FRAS1: variants seen among roughly 807,000 people sequenced by gnomAD.
FRAS1 encodes Fraser extracellular matrix complex subunit 1.
Under a neutral mutation model 435.2 loss-of-function variants are expected in FRAS1, and 290 were observed. The observed-to-expected ratio is 0.67, with a 90% CI of 0.61 to 0.73. The LOEUF (loss-of-function observed/expected upper bound fraction) is 0.73. Ranked by LOEUF, FRAS1 falls within the 30% of genes least tolerant of loss-of-function variation. The probability of loss-of-function intolerance (pLI) is 0.00; values close to 1 mark genes in which losing one functional copy is unlikely to be tolerated. For synonymous variants in FRAS1, 1,800 were observed against 1,851.0 expected, an observed-to-expected ratio of 0.97 and a Z score of 0.71; for missense variants, 4,860 against 5,001.5, an observed-to-expected ratio of 0.97 and a Z score of 0.85.
At chr4:78,227,015 C>T (rs559867062) in intron 2 of FRAS1, among the ~76,000 whole-genome samples, 99 of 152,052 alleles carry the variant, frequency 6.5e-4, no homozygotes, top group Non-Finnish European at 9.3e-4. Flanking sequence ...CATTTAATTG[C>T]GTTTGTAGAT....
chr4:78,354,192 C>T (rs546536678), intron 20 of FRAS1, among the ~76,000 whole-genome samples: 2 of 152,288 alleles, frequency 1.3e-5, no homozygotes, highest in East Asian at 3.9e-4. Flanking sequence ...TCCTCGGCTC[C>T]TACGGCAGCC....
chr4:78,523,066 A>G (rs1368695345), intron 69 of FRAS1, among the ~76,000 whole-genome samples: 1 of 152,156 alleles, frequency 6.6e-6, no homozygotes, highest in African/African-American at 2.4e-5. Context: ...AGCCTGGGCA[A>G]CAGAAAGAGA....
At chr4:78,286,598 C>G (rs1396306463) in intron 14 of FRAS1, 59 bp downstream of exon 14, 1 of 1,571,336 alleles carries the variant, frequency 6.4e-7, no homozygotes, top group Non-Finnish European at 8.7e-7. Flanking sequence ...CAACCCTGAC[C>G]CCACCAAGTG....
At chr4:78,206,202 C>T (rs766099381) in intron 2 of FRAS1, among the ~76,000 whole-genome samples, 1 of 151,816 alleles carries the variant, frequency 6.6e-6, no homozygotes, top group Non-Finnish European at 1.5e-5. Flanking sequence ...TCATTAGGGT[C>T]CTTTTGGGAG....
intron 31 of FRAS1, among the ~76,000 whole-genome samples, chr4:78,411,795 C>T (rs1489714029): frequency 6.6e-6 from 1 of 152,156 alleles, no homozygotes; most frequent in East Asian, 1.9e-4. Flanking sequence ...CCCTCCGCCA[C>T]CCCTTTTCTA....
Position 78,534,548 on chromosome 4 carries a change from C to T in FRAS1, c.11025C>T (p.Phe3675=), listed in dbSNP as rs780760606. 3 of 1,613,244 alleles carry T rather than the reference C, an allele frequency of 1.9e-6. No individual in the cohort carries two copies. Among genetic ancestry groups the T allele is most frequent in the Non-Finnish European group, 2.5e-6 (3 of 1,179,284 alleles). The stretch of plus-strand genomic sequence containing the variant: ...AGCTCTGCAATAATGAGAAGGTGTT[C>T]CTAATGGATCCCAATACATCTGATA... ...EFQLCNNEKV[F]LMDPNTSDMS... is the part of the protein sequence containing the mutation. The change falls in exon 71 of 74, where the codon TTC becomes TTT. Residue 3675 remains phenylalanine (F), a synonymous_variant. Coordinates refer to ENST00000512123, the MANE Select transcript of FRAS1 (RefSeq NM_025074.7).
chr4:78,540,186 T>C (rs1297958949), intron 73 of FRAS1, among the ~76,000 whole-genome samples: 1 of 152,210 alleles, frequency 6.6e-6, no homozygotes, highest in Non-Finnish European at 1.5e-5. Flanking sequence ...TGTAAATAAA[T>C]GTGGTTTTTA....
chr4:78,182,703 C>T (rs1050192522), intron 2 of FRAS1, among the ~76,000 whole-genome samples: 3 of 151,794 alleles, frequency 2.0e-5, no homozygotes, highest in Non-Finnish European at 4.4e-5. Flanking sequence ...CGTGGTGAAA[C>T]CCCGTCTCTA....
chr4:78,181,176 A>T, intron 2 of FRAS1: 1 of 1,602,078 alleles, frequency 6.2e-7, no homozygotes, highest in Non-Finnish European at 8.6e-7. Context: ...CAGATATTAA[A>T]TTCTACTTTT....
chr4:78,339,521 C>CGG (rs571737419), intron 20 of FRAS1, among the ~76,000 whole-genome samples: 238 of 152,072 alleles, frequency 1.6e-3, no homozygotes, highest in African/African-American at 5.5e-3. Context: ...AGGCATTATG[C>CGG]GGGGGGGTGG....
At chr4:78,208,026 G>A (rs1357783924) in intron 2 of FRAS1, among the ~76,000 whole-genome samples, 1 of 152,172 alleles carries the variant, frequency 6.6e-6, no homozygotes, top group African/African-American at 2.4e-5. Flanking sequence ...ACCCTCTGAA[G>A]GAAGTGGATA....
intron 30 of FRAS1, among the ~76,000 whole-genome samples, chr4:78,405,319 T>C (rs987952787): frequency 1.3e-4 from 20 of 152,358 alleles, no homozygotes; most frequent in African/African-American, 4.3e-4. Flanking sequence ...TGTACTCACA[T>C]TCATAAATAG....
At chr4:78,321,085 G>T (rs1729486349) in intron 18 of FRAS1, among the ~76,000 whole-genome samples, 1 of 152,178 alleles carries the variant, frequency 6.6e-6, no homozygotes. Flanking sequence ...AGTTAGAATT[G>T]TAAATAAATA....
chr4:78,210,029 C>T (rs192828440), intron 2 of FRAS1, among the ~76,000 whole-genome samples: 71 of 152,264 alleles, frequency 4.7e-4, no homozygotes, highest in Middle Eastern at 3.4e-3. Flanking sequence ...CTCTGCTGAG[C>T]TCCTTACCTG....
intron 66 of FRAS1, among the ~76,000 whole-genome samples, chr4:78,518,333 A>G (rs1281287894): frequency 6.6e-6 from 1 of 151,002 alleles, no homozygotes; most frequent in Non-Finnish European, 1.5e-5. Context: ...CTGTATTTTC[A>G]AACAAAAGAA....
At chr4:78,062,524 C>T (rs1739804508) in intron 1 of FRAS1, among the ~76,000 whole-genome samples, 2 of 152,096 alleles carry the variant, frequency 1.3e-5, no homozygotes, top group Admixed American at 1.3e-4. Flanking sequence ...GCCACTATTT[C>T]TTTGAACTAA....
At chr4:78,539,157 G>C (rs982873664) in intron 72 of FRAS1, 137 bp from the exon 73 acceptor site, 1 of 724,262 alleles carries the variant, frequency 1.4e-6, no homozygotes, top group African/African-American at 1.8e-5. Context: ...TTATGGAGAG[G>C]GCTTCACAGC....
At chr4:78,175,094 T>C (rs954010610) in intron 2 of FRAS1, among the ~76,000 whole-genome samples, 1 of 152,210 alleles carries the variant, frequency 6.6e-6, no homozygotes, top group African/African-American at 2.4e-5. Flanking sequence ...AAATGCAGGC[T>C]GGCTGCTCTC....
chr4:78,288,073 G>C (rs1727696024), intron 14 of FRAS1, among the ~76,000 whole-genome samples: 2 of 152,170 alleles, frequency 1.3e-5, no homozygotes, highest in Non-Finnish European at 2.9e-5. Context: ...GTCCTTCAAA[G>C]ACCAGTGTTT....
Sources: allele counts gnomAD v4.1 joint callset (sites outside exome capture counted in the v4.1 genomes callset), GRCh38; gene constraint gnomAD v4.1.1; transcripts MANE v1.5; gene names NCBI Gene and HGNC (gene_info 2026-07-23, HGNC 2026-07-21).